NPAS3: variants seen among roughly 807,000 people sequenced by gnomAD.
The protein encoded by NPAS3 is neuronal PAS domain protein 3.
Under a neutral mutation model 73.1 loss-of-function variants are expected in NPAS3, and 14 were observed. That is an observed-to-expected ratio of 0.19 (90% CI 0.13 to 0.30). The LOEUF (loss-of-function observed/expected upper bound fraction) is 0.30. NPAS3 is among the 10% of genes least tolerant of loss of function. The pLI is 1.00. For missense variants in NPAS3, 1,096 were observed against 1,250.0 expected, an observed-to-expected ratio of 0.88 and a Z score of 1.86; for synonymous variants, 620 against 541.5, an observed-to-expected ratio of 1.14 and a Z score of -2.01.
intron 2 of NPAS3, among the ~76,000 whole-genome samples, chr14:33,109,919 C>G (rs948045123): frequency 4.0e-5 from 6 of 149,882 alleles, no homozygotes; most frequent in Non-Finnish European, 8.9e-5. Context: ...CCTCCCACCT[C>G]AGCCTCCTGA....
At chr14:33,178,182 C>T (rs1021622184) in intron 2 of NPAS3, among the ~76,000 whole-genome samples, 35 of 149,280 alleles carry the variant, frequency 2.3e-4, no homozygotes, top group African/African-American at 7.9e-4. Context: ...TCAAGTGATG[C>T]TTTTGCCTCA....
intron 3 of NPAS3, among the ~76,000 whole-genome samples, chr14:33,365,636 T>C (rs1436179829): frequency 6.6e-6 from 1 of 152,212 alleles, no homozygotes; most frequent in Non-Finnish European, 1.5e-5. Flanking sequence ...TTATATTTTA[T>C]AAATTTTCCC....
At chr14:33,434,075 C>A (rs976841635) in intron 4 of NPAS3, among the ~76,000 whole-genome samples, 4 of 152,018 alleles carry the variant, frequency 2.6e-5, no homozygotes, top group African/African-American at 9.7e-5. Context: ...GCCTGTAATC[C>A]CAGTGACTCA....
chr14:33,064,594 G>C (rs961651925), intron 2 of NPAS3, among the ~76,000 whole-genome samples: 1 of 152,144 alleles, frequency 6.6e-6, no homozygotes, highest in Admixed American at 6.5e-5. Context: ...TGGGCGGGGA[G>C]GGGGAGTAGT....
intron 4 of NPAS3, among the ~76,000 whole-genome samples, chr14:33,370,521 G>A (rs1464405036): frequency 1.3e-5 from 2 of 152,124 alleles, no homozygotes; most frequent in Admixed American, 6.5e-5. Flanking sequence ...ACCAGGAGGT[G>A]TGGACTTGAT....
At chr14:32,989,890 G>C (rs929072306) in intron 1 of NPAS3, among the ~76,000 whole-genome samples, 1 of 152,160 alleles carries the variant, frequency 6.6e-6, no homozygotes, top group African/African-American at 2.4e-5. Flanking sequence ...TCAGTGTGAA[G>C]CTCTTGCAGT....
chr14:33,349,839 G>C (rs2044943477), intron 3 of NPAS3, among the ~76,000 whole-genome samples: 1 of 152,200 alleles, frequency 6.6e-6, no homozygotes, highest in African/African-American at 2.4e-5. Flanking sequence ...CATAACTGGA[G>C]GGAGTACCTT....
intron 3 of NPAS3, among the ~76,000 whole-genome samples, chr14:33,363,922 C>G (rs867777808): frequency 1.5e-4 from 22 of 148,878 alleles, no homozygotes; most frequent in African/African-American, 4.7e-4. Context: ...GCAATGCCCT[C>G]TGTGTGTGTG....
intron 3 of NPAS3, among the ~76,000 whole-genome samples, chr14:33,276,814 G>A (rs2140040417): frequency 6.6e-6 from 1 of 152,156 alleles, no homozygotes; most frequent in African/African-American, 2.4e-5. Flanking sequence ...CAGAATGTCT[G>A]TAAACATATA....
In NPAS3 at chr14:33,004,817, CTTT is replaced by C; in HGVS notation, c.51-51071_51-51069del. Reference sequence around the variant, plus strand: ...CTTTTTTCTATTGTAAAAAGTTTTCCTTTTTTTTTTTTTTTTTTTAGTTTTAAA... The same window carrying C: ...CTTTTTTCTATTGTAAAAAGTTTTCCTTTTTTTTTTTTTTTTAGTTTTAAA... On this transcript the variant is annotated intron_variant, in intron 1 of 11. Coordinates refer to ENST00000356141, the Ensembl canonical transcript of NPAS3. Among the ~76,000 whole-genome samples, 312 of 64,016 alleles carry C rather than the reference CTTT, an allele frequency of 4.9e-3. 5 individuals carry two copies. Among genetic ancestry groups the C allele is most frequent in the Admixed American group, 0.01 (53 of 5,256 alleles). 42.0% of individuals were successfully genotyped at this position (64,016 alleles called of 152,430 possible).
intron 3 of NPAS3, among the ~76,000 whole-genome samples, chr14:33,327,788 GTT>G (rs2043778468): frequency 6.6e-6 from 1 of 152,210 alleles, no homozygotes; most frequent in Non-Finnish European, 1.5e-5. Flanking sequence ...GAAACATAAA[GTT>G]ACTGCAGTTG....
chr14:33,786,991 A>G (rs549218176), intron 9 of NPAS3, among the ~76,000 whole-genome samples: 6 of 152,250 alleles, frequency 3.9e-5, no homozygotes, highest in Non-Finnish European at 8.8e-5. Flanking sequence ...TCCTAGCCTT[A>G]ATTTTTTTAA....
chr14:33,069,206 G>A (rs559641103), intron 2 of NPAS3, among the ~76,000 whole-genome samples: 46 of 152,282 alleles, frequency 3.0e-4, no homozygotes, highest in Middle Eastern at 6.8e-3. Flanking sequence ...AAATACTAAT[G>A]TATCATTGAC....
At chr14:33,270,215 C>G (rs1390365966) in intron 3 of NPAS3, among the ~76,000 whole-genome samples, 1 of 152,026 alleles carries the variant, frequency 6.6e-6, no homozygotes, top group Non-Finnish European at 1.5e-5. Context: ...GACTTGGCTC[C>G]CAGAGACTGA....
At chr14:33,214,499 A>G (rs941252698) in intron 2 of NPAS3, 1 of 152,186 alleles carries the variant, frequency 6.6e-6, no homozygotes, top group East Asian at 1.9e-4. Context: ...ATTCTCTAGT[A>G]TCTTAGAAAA....
chr14:33,506,854 A>G (rs1347775295), intron 4 of NPAS3, among the ~76,000 whole-genome samples: 1 of 151,860 alleles, frequency 6.6e-6, no homozygotes, highest in African/African-American at 2.4e-5. Context: ...TTTTCTATTT[A>G]TTTTTCTCCG....
At chr14:33,494,402 T>C (rs1328507915) in intron 4 of NPAS3, among the ~76,000 whole-genome samples, 1 of 152,170 alleles carries the variant, frequency 6.6e-6, no homozygotes, top group African/African-American at 2.4e-5. Flanking sequence ...AGGAGAAGGC[T>C]ACGCCTTCCA....
chr14:33,645,689 C>T (rs533389366), intron 5 of NPAS3, among the ~76,000 whole-genome samples: 103 of 152,272 alleles, frequency 6.8e-4, no homozygotes, highest in African/African-American at 2.2e-3. Flanking sequence ...GCCACTTGAC[C>T]GAGTAATTCA....
intron 4 of NPAS3, among the ~76,000 whole-genome samples, chr14:33,369,262 T>C: frequency 6.6e-6 from 1 of 151,992 alleles, no homozygotes; most frequent in Middle Eastern, 3.2e-3. Flanking sequence ...GGATGCCATT[T>C]GGAGTAGAAT....
Sources: gnomAD v4.1 joint callset for allele counts (sites outside exome capture counted in the v4.1 genomes callset) on GRCh38, gnomAD v4.1.1 for gene constraint, MANE v1.5 for transcripts, NCBI Gene and HGNC (gene_info 2026-07-23, HGNC 2026-07-21) for gene names.